Variants in FAM110B observed in about 807,000 individuals in gnomAD.
FAM110B encodes family with sequence similarity 110 member B, also known as protein FAM110B.
In FAM110B, 6 loss-of-function variants were observed where a neutral mutation model predicts 20.4. The observed-to-expected ratio is 0.29, with a 90% confidence interval of 0.16 to 0.58. The LOEUF (loss-of-function observed/expected upper bound fraction) is 0.58, where lower values mean the gene tolerates loss of function less well. Ranked by LOEUF, FAM110B falls within the 20% of genes least tolerant of loss-of-function variation. FAM110B has a pLI of 0.90. For synonymous variants in FAM110B, 226 were observed against 214.1 expected, an observed-to-expected ratio of 1.06 and a Z score of -0.49; for missense variants, 434 against 498.2, an observed-to-expected ratio of 0.87 and a Z score of 1.23.
At chr8:58,027,572 C>T (rs1204738810) in intron 1 of FAM110B, among the ~76,000 whole-genome samples, 1 of 152,154 alleles carries the variant, frequency 6.6e-6, no homozygotes, top group South Asian at 2.1e-4. Flanking sequence ...CATCACCCTG[C>T]GTGTTCTGTC....
intron 3 of FAM110B, among the ~76,000 whole-genome samples, chr8:58,114,999 G>A (rs1022514715): frequency 2.2e-5 from 3 of 139,248 alleles, no homozygotes; most frequent in Non-Finnish European, 4.5e-5. Context: ...CCTCTCTATT[G>A]GAAAGTTGTT....
chr8:58,006,928 T>TTTTC (rs1487168041), intron 1 of FAM110B, among the ~76,000 whole-genome samples: 4 of 147,626 alleles, frequency 2.7e-5, no homozygotes, highest in South Asian at 2.1e-4. Flanking sequence ...TATATATTTT[T>TTTTC]CCAAAACCAG....
chr8:58,013,252 GAGTATCATC>G (rs1441374288), intron 1 of FAM110B, among the ~76,000 whole-genome samples: 5 of 152,224 alleles, frequency 3.3e-5, no homozygotes, highest in African/African-American at 9.6e-5. Context: ...ATCAAAGATG[GAGTATCATC>G]AGTATCATCG....
chr8:58,092,897 C>G (rs1298833054), intron 3 of FAM110B, among the ~76,000 whole-genome samples: 1 of 152,192 alleles, frequency 6.6e-6, no homozygotes, highest in African/African-American at 2.4e-5. Flanking sequence ...TCCACATCCT[C>G]TCTAGTATCT....
At chr8:58,072,268 T>C (rs556757680) in intron 2 of FAM110B, among the ~76,000 whole-genome samples, 17 of 152,220 alleles carry the variant, frequency 1.1e-4, no homozygotes, top group Non-Finnish European at 1.9e-4. Flanking sequence ...AGAGCCCCTT[T>C]GAGGTGTGTG....
chr8:58,047,428 A>T (rs1443474871), intron 2 of FAM110B, among the ~76,000 whole-genome samples: 1 of 152,052 alleles, frequency 6.6e-6, no homozygotes, highest in Non-Finnish European at 1.5e-5. Context: ...CTATGCCTGG[A>T]AGCTGCCATT....
intron 2 of FAM110B, among the ~76,000 whole-genome samples, chr8:58,032,849 A>G (rs1804994587): frequency 6.6e-6 from 1 of 152,166 alleles, no homozygotes; most frequent in South Asian, 2.1e-4. Context: ...CTAAGCTGAG[A>G]ACTTCTGTGG....
chr8:58,050,740 A>G (rs1252562296), intron 2 of FAM110B, among the ~76,000 whole-genome samples: 1 of 152,156 alleles, frequency 6.6e-6, no homozygotes. Flanking sequence ...GCCCACCCAG[A>G]TACTCTCTCT....
intron 1 of FAM110B, among the ~76,000 whole-genome samples, chr8:58,015,856 A>T (rs1804627606): frequency 6.6e-6 from 1 of 151,890 alleles, no homozygotes; most frequent in Non-Finnish European, 1.5e-5. Flanking sequence ...AAAAAAAAAA[A>T]AAAAGAAAAA....
intron 2 of FAM110B, chr8:58,070,101 C>A (rs908308078): frequency 6.6e-6 from 1 of 152,226 alleles, no homozygotes; most frequent in Non-Finnish European, 1.5e-5. Flanking sequence ...CCGGTGACAG[C>A]CTGTGTCTCA....
intron 1 of FAM110B, among the ~76,000 whole-genome samples, chr8:58,024,842 A>C (rs979615970): frequency 6.6e-6 from 1 of 152,202 alleles, no homozygotes; most frequent in Admixed American, 6.5e-5. Context: ...TGATTTCAGA[A>C]TGCCAAAGAG....
chr8:58,142,176 C>T (rs1236972726), intron 3 of FAM110B, among the ~76,000 whole-genome samples: 3 of 152,194 alleles, frequency 2.0e-5, no homozygotes, highest in Non-Finnish European at 2.9e-5. Flanking sequence ...TTTGCTCATT[C>T]AGAGACAAGT....
At chr8:58,029,136 A>G (rs1389417784) in intron 1 of FAM110B, among the ~76,000 whole-genome samples, 2 of 152,228 alleles carry the variant, frequency 1.3e-5, no homozygotes, top group African/African-American at 2.4e-5. Context: ...CTAGGGTTTC[A>G]GTGAATACGA....
At chr8:58,076,031 C>T (rs570230857) in intron 3 of FAM110B, among the ~76,000 whole-genome samples, 1 of 152,216 alleles carries the variant, frequency 6.6e-6, no homozygotes, top group South Asian at 2.1e-4. Context: ...GTGTGTTGCT[C>T]ATTGCAGCCT....
intron 1 of FAM110B, among the ~76,000 whole-genome samples, chr8:58,020,853 T>C (rs1804736822): frequency 6.6e-6 from 1 of 152,170 alleles, no homozygotes; most frequent in South Asian, 2.1e-4. Flanking sequence ...TGTCTTTCTC[T>C]CCTTATTACT....
intron 1 of FAM110B, among the ~76,000 whole-genome samples, chr8:58,008,167 G>C (rs1006425605): frequency 3.8e-5 from 5 of 130,098 alleles, no homozygotes; most frequent in African/African-American, 1.5e-4. Context: ...CACTCTTGTC[G>C]CCCAGGCTGG....
At chr8:58,078,547 C>CTTTTTT (rs71555701) in intron 3 of FAM110B, among the ~76,000 whole-genome samples, 32 of 115,530 alleles carry the variant, frequency 2.8e-4, no homozygotes, top group South Asian at 1.2e-3. Flanking sequence ...AGATTTTTGC[C>CTTTTTT]TTTTTTTTTT....
intron 3 of FAM110B, among the ~76,000 whole-genome samples, 190 bp from the exon 4 acceptor site, chr8:58,145,717 G>C (rs1803846721): frequency 6.6e-6 from 1 of 152,230 alleles, no homozygotes. Flanking sequence ...GTGCTGCCGC[G>C]CGTCGGCGCA....
chr8:58,011,176 A>G (rs1322035137), intron 1 of FAM110B, among the ~76,000 whole-genome samples: 3 of 152,224 alleles, frequency 2.0e-5, no homozygotes, highest in Admixed American at 6.5e-5. Context: ...CCTTTTCTCA[A>G]CTAAGAAAGA....
Sources: allele counts gnomAD v4.1 joint callset (sites outside exome capture counted in the v4.1 genomes callset), GRCh38; gene constraint gnomAD v4.1.1; transcripts MANE v1.5; gene names NCBI Gene and HGNC (gene_info 2026-07-23, HGNC 2026-07-21).